Variants in EPHB2 observed in about 807,000 individuals in gnomAD.
The protein encoded by EPHB2 is EPH receptor B2, also known as ephrin type-B receptor 2.
EPHB2 carries 18 observed loss-of-function variants against 96.4 expected under a neutral mutation model. The ratio of observed to expected loss-of-function variants is 0.19; its 90% CI spans 0.13 to 0.28. EPHB2 has a LOEUF of 0.28. Ranked by LOEUF, EPHB2 falls within the 10% of genes least tolerant of loss-of-function variation. The probability of loss-of-function intolerance (pLI) is 1.00; values close to 1 mark genes in which losing one functional copy is unlikely to be tolerated. For missense variants in EPHB2, 989 were observed against 1,355.4 expected (o/e 0.73, Z 4.25); for synonymous variants, 506 against 534.1 (o/e 0.95, Z 0.72).
At chr1:22,795,466 G>C (rs1195884603) in intron 3 of EPHB2, among the ~76,000 whole-genome samples, 1 of 9,632 alleles carries the variant, frequency 1.0e-4, no homozygotes, top group Non-Finnish European at 3.7e-4. Flanking sequence ...ACTGGTTTCC[G>C]TTTTGTTTTG....
chr1:22,891,015 A>T (rs1639372313), intron 6 of EPHB2: 1 of 452,394 alleles, frequency 2.2e-6, no homozygotes, highest in South Asian at 1.6e-5. Context: ...AGACCAGGTC[A>T]CATGTCCCTC....
chr1:22,763,472 C>G (rs1644263411), intron 1 of EPHB2, among the ~76,000 whole-genome samples: 1 of 152,122 alleles, frequency 6.6e-6, no homozygotes, highest in Admixed American at 6.5e-5. Flanking sequence ...CCTGGACAGG[C>G]ACACGGTGGA....
chr1:22,759,592 G>C (rs765426916), intron 1 of EPHB2, among the ~76,000 whole-genome samples: 35 of 152,232 alleles, frequency 2.3e-4, no homozygotes, highest in Admixed American at 5.9e-4. Context: ...CTTGCAAACT[G>C]TTTAGGACTG....
intron 1 of EPHB2, among the ~76,000 whole-genome samples, chr1:22,759,089 A>T (rs1644197959): frequency 6.6e-6 from 1 of 152,142 alleles, no homozygotes; most frequent in Non-Finnish European, 1.5e-5. Flanking sequence ...ACAGAATCAG[A>T]TAATGATTTG....
intron 7 of EPHB2, 94 bp from the exon 8 acceptor site, chr1:22,895,378 C>A: frequency 8.4e-7 from 1 of 1,186,608 alleles, no homozygotes; most frequent in Non-Finnish European, 1.3e-6. Flanking sequence ...TCTAGGGATC[C>A]CAGGAGACCC....
chr1:22,900,458 T>A (rs1639714033), intron 9 of EPHB2, among the ~76,000 whole-genome samples: 1 of 152,190 alleles, frequency 6.6e-6, no homozygotes, highest in Non-Finnish European at 1.5e-5. Context: ...TTATAATTTC[T>A]CACTTTGAAT....
Position 22,913,481 on chromosome 1 carries a change from G to A in EPHB2, c.2872G>A (p.Val958Ile). The stretch of plus-strand genomic sequence containing the variant: ...CCAAAGGGACATTCTCCGGGTTGGG[G>A]TCACTTTGGCTGGCCACCAGAAAAA... ...MMMEDILRVG[V>I]TLAGHQKKIL... The change falls in exon 16 of 16, where the codon GTC becomes ATC. Residue 958 changes from valine (V) to isoleucine (I), a missense_variant. Physicochemically the swap from Val to Ile is conservative, Grantham distance 29. Coordinates refer to ENST00000374630, the MANE Select transcript of EPHB2 (RefSeq NM_017449.5). The surrounding 1 kb of genome is among the most constrained non-coding windows in gnomAD (Gnocchi z 4.1). 6.2e-7 allele frequency: 1 copy of A among 1,614,184 alleles called. No individual in the cohort carries two copies. Among genetic ancestry groups the A allele is most frequent in the South Asian group, 1.1e-5 (1 of 91,082 alleles).
At chr1:22,744,870 GAA>G (rs970377519) in intron 1 of EPHB2, among the ~76,000 whole-genome samples, 2 of 151,474 alleles carry the variant, frequency 1.3e-5, no homozygotes, top group Non-Finnish European at 2.9e-5. Flanking sequence ...GAAAAAAAAA[GAA>G]AAAAAGAAAA....
At chr1:22,752,823 G>T (rs140651614) in intron 1 of EPHB2, among the ~76,000 whole-genome samples, 1 of 151,950 alleles carries the variant, frequency 6.6e-6, no homozygotes, top group Admixed American at 6.6e-5. Context: ...TTGCTCTGTC[G>T]CCCCGGCTGG....
intron 3 of EPHB2, among the ~76,000 whole-genome samples, chr1:22,819,203 A>ATCTCTC (rs1645115624): frequency 1.4e-4 from 8 of 59,178 alleles, no homozygotes; most frequent in Non-Finnish European, 2.7e-4. Flanking sequence ...CGCCCAGCAG[A>ATCTCTC]TGTCTCTCTC....
Position 22,858,995 on chromosome 1 carries a change from C to T in EPHB2, c.812-4042C>T, listed in dbSNP as rs1023834276. ...GGCACTGTATACAAAAAAATTAGCCCGGCGTGGTGGTGCATGCCTGTAATC... is the reference window on the plus strand; with the variant it reads ...GGCACTGTATACAAAAAAATTAGCCTGGCGTGGTGGTGCATGCCTGTAATC... On this transcript the variant is annotated intron_variant, in intron 3 of 15. Transcript: ENST00000374630. The surrounding 1 kb of genome is among the most constrained non-coding windows in gnomAD (Gnocchi z 7.7). Among the ~76,000 whole-genome samples, 4 of 152,134 alleles carry T rather than the reference C, an allele frequency of 2.6e-5. No individual in the cohort carries two copies. Among genetic ancestry groups the T allele is most frequent in the South Asian group, 2.1e-4 (1 of 4,822 alleles).
chr1:22,713,805 C>T (rs543827393), intron 1 of EPHB2, among the ~76,000 whole-genome samples: 2 of 152,310 alleles, frequency 1.3e-5, no homozygotes, highest in South Asian at 4.2e-4. Context: ...CCAGCTCCAG[C>T]CTTCGGAATG....
Position 22,864,870 on chromosome 1 carries a change from G to A in EPHB2, c.968-7G>A, listed in dbSNP as rs774519713. The stretch of plus-strand genomic sequence containing the variant: ...CCCCACTGACCAACACCTCTCCCCC[G>A]CCCCAGCCATCCCCTCCGCGCCCCA... On this transcript the variant is annotated splice_polypyrimidine_tract_variant and splice_region_variant and intron_variant, in intron 4 of 15. Transcript: ENST00000374630. The A allele has an allele frequency of 2.8e-5, 36 of 1,265,718 alleles. No homozygotes were observed. The highest frequency in any genetic ancestry group is 3.7e-5 in the Non-Finnish European group (35 of 944,222). 78.4% of individuals were successfully genotyped at this position (1,265,718 alleles called of 1,614,324 possible). A position where few individuals can be genotyped will look rare whatever the true frequency, so the allele number is the denominator to read the frequency against.
At chr1:22,754,870 G>A (rs1202967730) in intron 1 of EPHB2, among the ~76,000 whole-genome samples, 1 of 136,076 alleles carries the variant, frequency 7.3e-6, no homozygotes, top group African/African-American at 2.8e-5. Flanking sequence ...GGTGAGGCAA[G>A]GGGCAGGTGA....
chr1:22,870,981 C>T (rs896087753), intron 5 of EPHB2, among the ~76,000 whole-genome samples: 13 of 152,214 alleles, frequency 8.5e-5, no homozygotes, highest in Admixed American at 7.2e-4. Context: ...CACAGGTAGG[C>T]GCCTAAAACA....
intron 3 of EPHB2, among the ~76,000 whole-genome samples, chr1:22,818,948 A>G (rs1469013063): frequency 8.4e-6 from 1 of 119,132 alleles, no homozygotes; most frequent in Non-Finnish European, 1.8e-5. Context: ...GATGGCCCCC[A>G]TAGGTTAGAG....
intron 1 of EPHB2, among the ~76,000 whole-genome samples, chr1:22,747,591 C>T (rs978068956): frequency 2.0e-5 from 3 of 152,194 alleles, no homozygotes; most frequent in African/African-American, 7.2e-5. Flanking sequence ...AAGCAAACAC[C>T]TTGGGGTGGC....
chr1:22,864,854 C>G, intron 4 of EPHB2, 23 bp from the exon 5 acceptor site: 1 of 1,561,836 alleles, frequency 6.4e-7, no homozygotes, highest in South Asian at 1.2e-5. Context: ...CCCCCACTGA[C>G]CAACACCTCT....
chr1:22,725,086 A>G (rs915549806), intron 1 of EPHB2, among the ~76,000 whole-genome samples: 3 of 151,516 alleles, frequency 2.0e-5, no homozygotes, highest in African/African-American at 7.3e-5. Flanking sequence ...CAGCCCTTTT[A>G]TATTGCCTAG....
Sources: gnomAD v4.1 joint callset for allele counts (sites outside exome capture counted in the v4.1 genomes callset) on GRCh38, gnomAD v4.1.1 for gene constraint, Gnocchi (gnomAD v3.1) non-coding constraint, MANE v1.5 for transcripts, NCBI Gene and HGNC (gene_info 2026-07-23, HGNC 2026-07-21) for gene names.